DCAF8L2: variants seen among roughly 807,000 people sequenced by gnomAD.
The protein encoded by DCAF8L2 is DDB1 and CUL4 associated factor 8 like 2, also known as DDB1- and CUL4-associated factor 8-like protein 2.
For missense variants in DCAF8L2, 430 were observed against 490.7 expected (o/e 0.88, Z 1.17); for synonymous variants, 200 against 190.9 (o/e 1.05, Z -0.39).
At chrX:27,477,168 T>C in the DCAF8L2 span, among the ~76,000 whole-genome samples, 1 of 112,737 alleles carries the variant, frequency 8.9e-6, no homozygotes, top group Non-Finnish European at 1.9e-5. Context: ...TAAGTAGAAT[T>C]AAAATAGCAT....
In DCAF8L2 at chrX:27,747,950, G is replaced by A. The variant is rs761253838; in HGVS notation, c.1055G>A (p.Arg352Gln). The stretch of plus-strand genomic sequence containing the variant: ...TTCACCATTGACCTCAGACAAGACC[G>A]GCCAGCTTCAAAAGTTGTGGTAACA... ...VVFTIDLRQD[R>Q]PASKVVVTRE... Residue 352 changes from arginine to glutamine, a missense_variant, in exon 5 of 5, where the codon CGG (arginine) becomes CAG (glutamine). Arg to Gln is a conservative substitution (Grantham distance 43). Coordinates refer to ENST00000451261, the MANE Select transcript of DCAF8L2 (RefSeq NM_001353450.2). 2.3e-5 allele frequency: 28 copies of A among 1,210,097 alleles called. No individual in the cohort carries two copies. The highest frequency in any genetic ancestry group is 2.8e-5 in the Non-Finnish European group (25 of 895,248).
chrX:27,705,254 G>T (rs1308658668), intron 3 of DCAF8L2, among the ~76,000 whole-genome samples: 1 of 110,732 alleles, frequency 9.0e-6, no homozygotes. Context: ...GACTAGTGCT[G>T]CAATAAACAT....
At chrX:27,699,598 CGAT>C (rs1931053619) in intron 3 of DCAF8L2, among the ~76,000 whole-genome samples, 1 of 111,421 alleles carries the variant, frequency 9.0e-6, no homozygotes, top group Admixed American at 9.6e-5. Context: ...AGGCCAGAGA[CGAT>C]GATGTCTCAA....
At chrX:27,663,317 T>TA (rs1221627133) in intron 2 of DCAF8L2, among the ~76,000 whole-genome samples, 3 of 112,430 alleles carry the variant, frequency 2.7e-5, no homozygotes, top group Non-Finnish European at 3.7e-5. Context: ...GTTTTTGTTT[T>TA]GTTTTATATT....
At chrX:27,649,110 A>G (rs1929054020) in intron 2 of DCAF8L2, among the ~76,000 whole-genome samples, 2 of 112,281 alleles carry the variant, frequency 1.8e-5, no homozygotes, top group Non-Finnish European at 3.8e-5. Flanking sequence ...AGCTGCATCC[A>G]TGTTGCTGCA....
At chrX:27,588,599 A>G (rs1925960076), upstream of DCAF8L2, among the ~76,000 whole-genome samples, 1 of 111,499 alleles carries the variant, frequency 9.0e-6, no homozygotes, top group Non-Finnish European at 1.9e-5. Context: ...ATTCCTATAA[A>G]CAATGTATAA....
the DCAF8L2 span, among the ~76,000 whole-genome samples, chrX:27,472,481 C>T: frequency 5.4e-5 from 6 of 111,447 alleles, no homozygotes; most frequent in African/African-American, 1.6e-4. Flanking sequence ...CTGCACCTAT[C>T]AACCCGTCAC....
intron 1 of DCAF8L2, among the ~76,000 whole-genome samples, chrX:27,628,729 G>C (rs998568496): frequency 9.1e-6 from 1 of 109,440 alleles, no homozygotes; most frequent in Non-Finnish European, 1.9e-5. Context: ...TCAGCCTCCA[G>C]AGTAGCTGGG....
the DCAF8L2 span, among the ~76,000 whole-genome samples, chrX:27,497,466 C>A: frequency 9.2e-6 from 1 of 109,066 alleles, no homozygotes; most frequent in Non-Finnish European, 1.9e-5. Flanking sequence ...TTCCCCATTT[C>A]CCATCCTTCT....
the DCAF8L2 span, among the ~76,000 whole-genome samples, chrX:27,580,468 A>G: frequency 9.0e-6 from 1 of 111,537 alleles, no homozygotes; most frequent in African/African-American, 3.3e-5. Context: ...AAGTGACGGA[A>G]TCTTTTAAGA....
chrX:27,547,911 C>CTCTCT, the DCAF8L2 span, among the ~76,000 whole-genome samples: 18 of 95,218 alleles, frequency 1.9e-4, no homozygotes, highest in African/African-American at 5.5e-4. Context: ...CTCTCTCTCT[C>CTCTCT]CTGTTGCCAT....
the DCAF8L2 span, among the ~76,000 whole-genome samples, chrX:27,582,809 A>G: frequency 1.8e-5 from 2 of 111,085 alleles, no homozygotes; most frequent in African/African-American, 6.6e-5. Context: ...ATTGTGCTCA[A>G]TAATCCCATA....
At chrX:27,614,130 G>T (rs5926840) in intron 1 of DCAF8L2, among the ~76,000 whole-genome samples, 24,329 of 109,945 alleles carry the variant, frequency 0.22, 2,539 homozygotes, top group Middle Eastern at 0.31. Flanking sequence ...CAATTTCAGA[G>T]CCTGTTATTG....
the DCAF8L2 span, among the ~76,000 whole-genome samples, chrX:27,568,073 T>C: frequency 9.0e-6 from 1 of 111,552 alleles, no homozygotes. Flanking sequence ...AGTTTGAGTT[T>C]GGTGACATAG....
chrX:27,522,108 A>C, the DCAF8L2 span, among the ~76,000 whole-genome samples: 1 of 112,257 alleles, frequency 8.9e-6, no homozygotes, highest in African/African-American at 3.2e-5. Context: ...GCTCACCACA[A>C]GCCCCGCCTC....
the DCAF8L2 span, among the ~76,000 whole-genome samples, chrX:27,525,599 A>C: frequency 1.8e-5 from 2 of 111,678 alleles, no homozygotes; most frequent in Non-Finnish European, 3.8e-5. Context: ...TTTGCTCATT[A>C]GTTGATGCAG....
chrX:27,528,499 T>TACAC, the DCAF8L2 span, among the ~76,000 whole-genome samples: 14 of 102,995 alleles, frequency 1.4e-4, no homozygotes, highest in African/African-American at 4.6e-4. Flanking sequence ...TATATATATA[T>TACAC]ATACACACAC....
the DCAF8L2 span, among the ~76,000 whole-genome samples, chrX:27,494,121 T>C: frequency 3.9e-4 from 44 of 111,641 alleles, no homozygotes; most frequent in African/African-American, 1.4e-3. Context: ...GAAAATGACT[T>C]TTGCGGCCAG....
In DCAF8L2 at chrX:27,624,355, T is replaced by C. The variant is rs191467112; in HGVS notation, c.-341-7524T>C. Among the ~76,000 whole-genome samples the C allele has an allele frequency of 3.6e-5, 4 of 110,960 alleles. No individual in the cohort carries two copies. In the East Asian group the frequency reaches 1.1e-3, roughly 32 times the overall value. ...AAATGCAAGAAGTTGCTTCCATTAC[T>C]AGGGCTGGAGAGTCAATAGAAGGAA... On this transcript the variant is annotated intron_variant, in intron 1 of 4. Transcript: ENST00000451261.
Sources: allele counts gnomAD v4.1 joint callset (sites outside exome capture counted in the v4.1 genomes callset), GRCh38; gene constraint gnomAD v4.1.1; transcripts MANE v1.5; gene names NCBI Gene and HGNC (gene_info 2026-07-23, HGNC 2026-07-21).